The following ZNF596 variants were observed in gnomAD, a reference collection of about 807,000 sequenced individuals.
ZNF596 encodes zinc finger protein 596.
ZNF596 carries 45 observed loss-of-function variants against 48.3 expected under a neutral mutation model. That is an observed-to-expected ratio of 0.93 (90% CI 0.73 to 1.19). ZNF596 has a LOEUF of 1.19. Ranked by LOEUF, ZNF596 falls within the 50% of genes most tolerant of loss-of-function variation. ZNF596 has a pLI of 0.00. For missense variants in ZNF596, 848 were observed against 599.7 expected, an observed-to-expected ratio of 1.41 and a Z score of -4.32; for synonymous variants, 270 against 202.0, an observed-to-expected ratio of 1.34 and a Z score of -2.85.
In ZNF596 at chr8:243,022, C is replaced by T. The variant is rs368691432; in HGVS notation, c.139+9C>T. The T allele has an allele frequency of 1.2e-6, 2 of 1,604,974 alleles. No homozygotes were observed. Among genetic ancestry groups the T allele is most frequent in the Non-Finnish European group, 1.7e-6 (2 of 1,173,876 alleles). ...TCATCTGGTCTCTATTGGTGAGTCT[C>T]TTTATATTTATTATGTATGTATATA... On this transcript the variant is annotated intron_variant, in intron 3 of 5. Coordinates refer to ENST00000398612, the MANE Select transcript of ZNF596 (RefSeq NM_001042416.3).
rs527959103 is a variant in ZNF596 at position 240,244 on chromosome 8, T to A, written c.-72-580T>A. 3 of 152,438 alleles carry A rather than the reference T, an allele frequency of 2.0e-5. No individual in the cohort carries two copies. The South Asian group carries it at 6.2e-4, about 32-fold the overall frequency. The allele number at this position is 152,438 out of a possible 1,614,324, so 9.4% of individuals were successfully genotyped here. A position where few individuals can be genotyped will look rare whatever the true frequency, so the allele number is the denominator to read the frequency against. Reference sequence around the variant, plus strand: ...AGTGTGTCTTTTAAGGAATCCACCATGATAAAATGAAATTTGAAGCTGCTT... The same window carrying A: ...AGTGTGTCTTTTAAGGAATCCACCAAGATAAAATGAAATTTGAAGCTGCTT... On this transcript the variant is annotated intron_variant, in intron 1 of 5. Coordinates refer to ENST00000398612, the MANE Select transcript of ZNF596 (RefSeq NM_001042416.3).
chr8:234,974 G>C (rs1796563575), intron 1 of ZNF596: 1 of 152,190 alleles, frequency 6.6e-6, no homozygotes, highest in Admixed American at 6.5e-5. Context: ...TGGAAAAGAA[G>C]ATTGATGAGA....
intron 1 of ZNF596, among the ~76,000 whole-genome samples, chr8:236,595 G>A (rs957085057): frequency 6.6e-6 from 1 of 152,042 alleles, no homozygotes; most frequent in Non-Finnish European, 1.5e-5. Flanking sequence ...GATTTTTAAA[G>A]ATTTTATATT....
Position 246,034 on chromosome 8 carries a change from G to T in ZNF596, c.1187G>T (p.Cys396Phe). 1.2e-6 allele frequency: 2 copies of T among 1,614,194 alleles called. No homozygotes were observed. Among genetic ancestry groups the T allele is most frequent in the Non-Finnish European group, 1.7e-6 (2 of 1,180,040 alleles). Residue 396 changes from cysteine (C) to phenylalanine (F), a missense_variant, in exon 6 of 6, where the codon TGT (cysteine) becomes TTT (phenylalanine). Transcript: ENST00000398612. ...GAGAAACCATATGAGTGCCATGTAT[G>T]TGGGAAAGCCTTCACTGAATCTTCT... ...TGEKPYECHV[C>F]GKAFTESSDL...
At chr8:238,920 G>C (rs865955029) in intron 1 of ZNF596, among the ~76,000 whole-genome samples, 1 of 151,988 alleles carries the variant, frequency 6.6e-6, no homozygotes. Flanking sequence ...GTAAAATCTG[G>C]AAAAGGATAC....
At chr8:244,596 C>CT (rs149135623) in intron 4 of ZNF596, 23 bp from the exon 5 acceptor site, 140,250 of 1,365,678 alleles carry the variant, frequency 0.1, 3,469 homozygotes, top group African/African-American at 0.21. Flanking sequence ...TATATAGCAT[C>CT]TTTTTTTTTT....
intron 1 of ZNF596, among the ~76,000 whole-genome samples, chr8:239,331 G>A (rs1185686825): frequency 2.6e-5 from 4 of 152,104 alleles, no homozygotes; most frequent in African/African-American, 9.7e-5. Context: ...TGAGATTACA[G>A]GTGCCTGCCA....
At position 238,969 on chromosome 8, in the gene ZNF596, TAAA is replaced by T. The variant is rs1244231491; in HGVS notation, c.-72-1853_-72-1851del. ...GAATATCAACAAAGAAAAACCATAA[TAAA>T]AGAATCAAATATAGATTCTGGGGCT... On this transcript the variant is annotated intron_variant, in intron 1 of 5. Coordinates refer to ENST00000398612, the MANE Select transcript of ZNF596 (RefSeq NM_001042416.3). Among the ~76,000 whole-genome samples, 5 of 152,060 alleles carry T rather than the reference TAAA, an allele frequency of 3.3e-5. No individual in the cohort carries two copies. In the East Asian group the frequency reaches 9.7e-4, roughly 30 times the overall value.
chr8:233,782 G>C (rs1796518113), intron 1 of ZNF596: 1 of 152,184 alleles, frequency 6.6e-6, no homozygotes, highest in South Asian at 2.1e-4. Context: ...TGATGTTCTG[G>C]AGAAGACAAA....
rs770912434 is a variant in ZNF596 at position 245,371 on chromosome 8, C to G, written c.524C>G (p.Ala175Gly). 6.2e-7 allele frequency: 1 copy of G among 1,614,086 alleles called. No homozygotes were observed. The highest frequency in any genetic ancestry group is 8.5e-7 in the Non-Finnish European group (1 of 1,179,988). ...TATGGAAGTCATCTATTTGATTATGCCTTTATCCAAAACTCTGCCCTTAGA... is the reference window on the plus strand; with the variant it reads ...TATGGAAGTCATCTATTTGATTATGGCTTTATCCAAAACTCTGCCCTTAGA... The part of the protein sequence containing the change: ...KSYGSHLFDY[A>G]FIQNSALRPH... Residue 175 changes from alanine (A) to glycine (G), a missense_variant, in exon 6 of 6, where the codon GCC (alanine) becomes GGC (glycine). Coordinates refer to ENST00000398612, the MANE Select transcript of ZNF596 (RefSeq NM_001042416.3).
chr8:246,253 A>T lies in ZNF596; in HGVS notation c.1406A>T (p.His469Leu), dbSNP rs1563072800. ...SYNFRLHRRV[H>L]TGEKPYVCPL... The stretch of plus-strand genomic sequence containing the variant: ...AACTTTAGACTTCATAGAAGAGTTC[A>T]CACTGGAGAGAAACCATATGTATGT... The change falls in exon 6 of 6, where the codon CAC (histidine) becomes CTC (leucine). Residue 469 changes from histidine (H) to leucine (L), a missense_variant. Physicochemically the swap from His to Leu is moderately conservative, Grantham distance 99 (BLOSUM62 -3). Coordinates refer to ENST00000398612, the MANE Select transcript of ZNF596 (RefSeq NM_001042416.3). 3 of 1,613,178 alleles carry T rather than the reference A, an allele frequency of 1.9e-6. No homozygotes were observed. The highest frequency in any genetic ancestry group is 1.7e-5 in the Admixed American group (1 of 59,926).
upstream of ZNF596, chr8:232,194 G>T (rs1251310778): frequency 2.6e-5 from 4 of 154,136 alleles, no homozygotes; most frequent in African/African-American, 9.7e-5. Flanking sequence ...AACAGAACCC[G>T]ACGCAGACAC....
chr8:232,594 A>G lies in ZNF596; in HGVS notation c.-173A>G. The G allele has an allele frequency of 3.1e-6, 1 of 321,496 alleles. No homozygotes were observed. The highest frequency in any genetic ancestry group is 6.4e-6 in the Non-Finnish European group (1 of 156,494). 19.9% of individuals were successfully genotyped at this position (321,496 alleles called of 1,614,324 possible). On this transcript the variant is annotated 5_prime_UTR_variant, in exon 1 of 6. Transcript: ENST00000398612. ...CCGAAGCCTGTCGCCCAGCTGCCAGATCTGCGTCTGTGTCCGGTTCCGTCA... is the reference window on the plus strand; with the variant it reads ...CCGAAGCCTGTCGCCCAGCTGCCAGGTCTGCGTCTGTGTCCGGTTCCGTCA...
At chr8:240,721 C>T in intron 1 of ZNF596, 103 bp from the exon 2 acceptor site, 1 of 716,198 alleles carries the variant, frequency 1.4e-6, no homozygotes. Flanking sequence ...CTACCCACTG[C>T]ATGTCCTTGT....
At chr8:235,448 A>C (rs1267110535) in intron 1 of ZNF596, among the ~76,000 whole-genome samples, 1 of 151,932 alleles carries the variant, frequency 6.6e-6, no homozygotes, top group East Asian at 1.9e-4. Context: ...TTCATCTACT[A>C]CTTTAACCAG....
At chr8:240,042 G>A (rs1231114335) in intron 1 of ZNF596, among the ~76,000 whole-genome samples, 2 of 152,210 alleles carry the variant, frequency 1.3e-5, no homozygotes, top group African/African-American at 4.8e-5. Flanking sequence ...CTGTTGCTTA[G>A]GAAATTACAA....
intron 1 of ZNF596, among the ~76,000 whole-genome samples, chr8:236,466 G>C (rs765238222): frequency 6.6e-6 from 1 of 152,248 alleles, no homozygotes; most frequent in South Asian, 2.1e-4. Flanking sequence ...AATGGCATCA[G>C]CCTCACCCAG....
At chr8:244,386 G>T (rs757858047) in intron 4 of ZNF596, 1 of 531,204 alleles carries the variant, frequency 1.9e-6, no homozygotes, top group Non-Finnish European at 3.3e-6. Context: ...CTTTATAATG[G>T]TCCTCTTCTT....
intron 1 of ZNF596, among the ~76,000 whole-genome samples, chr8:238,371 C>T (rs1436843530): frequency 6.6e-6 from 1 of 151,840 alleles, no homozygotes; most frequent in East Asian, 1.9e-4. Context: ...GAGCACAGCT[C>T]TAAGGAAAAA....
Sources: allele counts gnomAD v4.1 joint callset (sites outside exome capture counted in the v4.1 genomes callset), GRCh38; gene constraint gnomAD v4.1.1; transcripts MANE v1.5; gene names NCBI Gene and HGNC (gene_info 2026-07-23, HGNC 2026-07-21).